The following PRELID2 variants were observed in gnomAD, a reference collection of about 807,000 sequenced individuals.
The protein encoded by PRELID2 is PRELI domain containing 2.
PRELID2 carries 25 observed loss-of-function variants against 28.4 expected under a neutral mutation model. The ratio of observed to expected loss-of-function variants is 0.88; its 90% confidence interval spans 0.64 to 1.23. The LOEUF is 1.23. Among genes scored for constraint, PRELID2 ranks in the 50% most tolerant of loss-of-function variants. PRELID2 has a pLI of 0.00. For missense variants in PRELID2, 201 were observed against 214.4 expected (o/e 0.94, Z 0.39); for synonymous variants, 76 against 71.6 (o/e 1.06, Z -0.31).
chr5:145,628,988 G>C (rs1352253293), intron 1 of PRELID2, among the ~76,000 whole-genome samples: 1 of 152,182 alleles, frequency 6.6e-6, no homozygotes, highest in African/African-American at 2.4e-5. Context: ...AAGGAAGGTG[G>C]TTTGAAAATT....
At chr5:145,303,602 A>G in the PRELID2 span, among the ~76,000 whole-genome samples, 2 of 152,214 alleles carry the variant, frequency 1.3e-5, no homozygotes, top group Non-Finnish European at 2.9e-5. Context: ...TTGGGCAGCC[A>G]TCTGTGAGCT....
At chr5:145,425,389 A>G in the PRELID2 span, among the ~76,000 whole-genome samples, 2 of 152,322 alleles carry the variant, frequency 1.3e-5, no homozygotes, top group South Asian at 2.1e-4. Flanking sequence ...ATTTGCCCCA[A>G]CAATCCCATG....
chr5:145,528,235 T>C (rs142570153), intron 1 of PRELID2, among the ~76,000 whole-genome samples: 157 of 152,272 alleles, frequency 1.0e-3, no homozygotes, highest in African/African-American at 3.5e-3. Flanking sequence ...AGCTATGTGA[T>C]TGTCATATGC....
At chr5:145,516,728 T>G (rs1304372834) in intron 1 of PRELID2, among the ~76,000 whole-genome samples, 2 of 152,040 alleles carry the variant, frequency 1.3e-5, no homozygotes, top group African/African-American at 4.8e-5. Flanking sequence ...CACGACCTGA[T>G]GTTAAACTAT....
intron 1 of PRELID2, among the ~76,000 whole-genome samples, chr5:145,519,583 C>A (rs373638553): frequency 5.3e-5 from 8 of 152,136 alleles, no homozygotes; most frequent in African/African-American, 1.9e-4. Flanking sequence ...TCCGATGAGG[C>A]TTTATTAGCC....
the PRELID2 span, among the ~76,000 whole-genome samples, chr5:145,357,911 AT>A: frequency 0.022 from 3,118 of 142,394 alleles, 49 homozygotes; most frequent in African/African-American, 0.043. Flanking sequence ...TGTCCCTTGG[AT>A]TTTTTTTTTT....
At chr5:145,556,928 C>G (rs951984686) in intron 1 of PRELID2, among the ~76,000 whole-genome samples, 2 of 152,064 alleles carry the variant, frequency 1.3e-5, no homozygotes, top group Non-Finnish European at 2.9e-5. Context: ...TTCAGGGAAG[C>G]CTTTTCTCAT....
chr5:145,703,150 T>C (rs1755453720), intron 1 of PRELID2, among the ~76,000 whole-genome samples: 1 of 152,144 alleles, frequency 6.6e-6, no homozygotes, highest in Non-Finnish European at 1.5e-5. Flanking sequence ...CCAGACAAAT[T>C]ACCAAGCAAA....
In PRELID2 at chr5:145,483,129, G is replaced by A. The variant is rs10463374; in HGVS notation, n.71-9814C>T. On this transcript the variant is annotated intron_variant and non_coding_transcript_variant, in intron 1 of 2. Coordinates refer to the PRELID2 transcript ENST00000510259. ...TTGTAGTAGATGAAGTCCAAAAATCGCCCACAATTGTTGATGTCTCCTTGT... is the reference window on the plus strand; with the variant it reads ...TTGTAGTAGATGAAGTCCAAAAATCACCCACAATTGTTGATGTCTCCTTGT... Among the ~76,000 whole-genome samples the A allele has an allele frequency of 9.2e-5, 14 of 152,086 alleles. No homozygotes were observed. The East Asian group carries it at 1.2e-3, about 13-fold the overall frequency.
At chr5:145,809,800 A>C (rs1459257840) in intron 4 of PRELID2, among the ~76,000 whole-genome samples, 1 of 152,256 alleles carries the variant, frequency 6.6e-6, no homozygotes, top group Admixed American at 6.5e-5. Flanking sequence ...TTTACTTAGC[A>C]TAAAAACACA....
At chr5:145,335,419 T>C in the PRELID2 span, among the ~76,000 whole-genome samples, 25 of 152,092 alleles carry the variant, frequency 1.6e-4, no homozygotes, top group Admixed American at 1.3e-3. Context: ...GACTGTTTAC[T>C]TAAAATAATT....
the PRELID2 span, among the ~76,000 whole-genome samples, chr5:145,355,451 C>T: frequency 6.6e-6 from 1 of 152,118 alleles, no homozygotes; most frequent in Non-Finnish European, 1.5e-5. Flanking sequence ...TATTTCCTCT[C>T]ATAATAAGAT....
chr5:145,550,966 A>G (rs1752828115), intron 1 of PRELID2, among the ~76,000 whole-genome samples: 1 of 152,240 alleles, frequency 6.6e-6, no homozygotes, highest in African/African-American at 2.4e-5. Flanking sequence ...TCGTGACTAC[A>G]TAACTCTACA....
chr5:145,531,245 C>G (rs1334637440), intron 1 of PRELID2, among the ~76,000 whole-genome samples: 1 of 152,068 alleles, frequency 6.6e-6, no homozygotes, highest in Non-Finnish European at 1.5e-5. Flanking sequence ...CCTCTTGATT[C>G]CCCCCTTGAG....
chr5:145,702,707 A>G (rs1755438636), intron 1 of PRELID2, among the ~76,000 whole-genome samples: 1 of 152,170 alleles, frequency 6.6e-6, no homozygotes, highest in African/African-American at 2.4e-5. Context: ...GGCCAAAATG[A>G]GGTCACAAAA....
chr5:145,241,433 T>C, the PRELID2 span, among the ~76,000 whole-genome samples: 15 of 152,136 alleles, frequency 9.9e-5, no homozygotes, highest in South Asian at 3.1e-3. Flanking sequence ...CATTCACCAA[T>C]GAGAAATAAA....
At chr5:145,703,667 T>C (rs557893752) in intron 1 of PRELID2, among the ~76,000 whole-genome samples, 1 of 152,180 alleles carries the variant, frequency 6.6e-6, no homozygotes, top group Non-Finnish European at 1.5e-5. Context: ...TTGAACTTTG[T>C]GACAGATCAA....
At chr5:145,552,745 G>T (rs1752847022) in intron 1 of PRELID2, among the ~76,000 whole-genome samples, 1 of 152,166 alleles carries the variant, frequency 6.6e-6, no homozygotes, top group African/African-American at 2.4e-5. Flanking sequence ...TCATCACTGA[G>T]AAACGTCTTA....
chr5:145,632,663 T>A (rs148843780), intron 1 of PRELID2, among the ~76,000 whole-genome samples: 477 of 152,296 alleles, frequency 3.1e-3, no homozygotes, highest in Middle Eastern at 0.01. Context: ...CTGGAAAAAT[T>A]CTAAGGCAGC....
Sources: gnomAD v4.1 joint callset for allele counts (sites outside exome capture counted in the v4.1 genomes callset) on GRCh38, gnomAD v4.1.1 for gene constraint, MANE v1.5 for transcripts, NCBI Gene and HGNC (gene_info 2026-07-23, HGNC 2026-07-21) for gene names.